MYH15: variants seen among roughly 807,000 people sequenced by gnomAD.
MYH15 encodes myosin heavy chain 15.
Under a neutral mutation model 240.5 loss-of-function variants are expected in MYH15, and 227 were observed. The ratio of observed to expected loss-of-function variants is 0.94; its 90% CI spans 0.85 to 1.05. The LOEUF is 1.05. Among genes scored for constraint, MYH15 ranks in the 50% least tolerant of loss-of-function variants. The pLI, the probability that MYH15 is intolerant of heterozygous loss-of-function variation, is 0.00. For missense variants in MYH15, 2,217 were observed against 2,247.5 expected (o/e 0.99, Z 0.27); for synonymous variants, 785 against 796.7 (o/e 0.99, Z 0.25).
intron 35 of MYH15, among the ~76,000 whole-genome samples, chr3:108,397,047 C>G (rs970045528): frequency 6.6e-6 from 1 of 152,170 alleles, no homozygotes; most frequent in Non-Finnish European, 1.5e-5. Flanking sequence ...CTAAATGCCC[C>G]AGAGTGTAGC....
intron 1 of MYH15, among the ~76,000 whole-genome samples, chr3:108,523,476 A>G (rs1209759460): frequency 6.6e-6 from 1 of 152,060 alleles, no homozygotes; most frequent in African/African-American, 2.4e-5. Flanking sequence ...TTAAAGAATT[A>G]TGTAAATGTT....
In MYH15 at chr3:108,437,545, G is replaced by A. The variant is rs750020647; in HGVS notation, c.3221+9C>T. ...CCAGCAATCTCATGTCAACAGAAAG[G>A]TGGCTTACTTCCTCAGCTCTTCTGC... On this transcript the variant is annotated intron_variant, in intron 25 of 40. Coordinates refer to ENST00000693548, the MANE Select transcript of MYH15 (RefSeq NM_014981.3). 10 of 1,609,896 alleles carry A rather than the reference G, an allele frequency of 6.2e-6. No homozygotes were observed. In the South Asian group the frequency reaches 1.1e-4, roughly 18 times the overall value.
chr3:108,474,138 C>T (rs1386953359), intron 12 of MYH15, among the ~76,000 whole-genome samples: 2 of 151,944 alleles, frequency 1.3e-5, no homozygotes, highest in Non-Finnish European at 2.9e-5. Flanking sequence ...TTTTTCCCAT[C>T]TTTTGCAATT....
chr3:108,398,838 GT>G lies in MYH15; in HGVS notation c.4931del (p.Asp1644AlafsTer12), dbSNP rs1246519402. The G allele has an allele frequency of 6.2e-7, 1 of 1,614,136 alleles. No individual in the cohort carries two copies. The highest frequency in any genetic ancestry group is 2.2e-5 in the East Asian group (1 of 44,886). On this transcript the variant is annotated frameshift_variant and splice_region_variant, in exon 35 of 41. Transcript: ENST00000693548. LOFTEE classifies it high-confidence loss of function. ...SLGQLQIQIKDLQMQLDDSTQ... is the reference protein window; with the variant it reads ...SLGQLQIQIKXLQMQLDDSTQ... ...TGCTGTCATCCAGCTGCATTTGAAG[GT>G]CCTGGGAGAGAAAAGATGGGTCTGG...
At chr3:108,492,972 G>T (rs2083363772) in intron 8 of MYH15, 142 bp downstream of exon 8, 3 of 680,340 alleles carry the variant, frequency 4.4e-6, no homozygotes, top group Non-Finnish European at 7.5e-6. Flanking sequence ...AAGAAGGAAG[G>T]AAGGGAGAAA....
intron 1 of MYH15, among the ~76,000 whole-genome samples, chr3:108,519,080 G>A (rs2107264790): frequency 6.6e-6 from 1 of 152,150 alleles, no homozygotes; most frequent in East Asian, 1.9e-4. Context: ...CTTCCTCCTT[G>A]GCTGAGCTCC....
chr3:108,542,834 T>C, the MYH15 span, among the ~76,000 whole-genome samples: 2 of 151,952 alleles, frequency 1.3e-5, no homozygotes, highest in Non-Finnish European at 2.9e-5. Flanking sequence ...CTGAGAATAA[T>C]GGCTTCCAAC....
chr3:108,546,154 C>G, the MYH15 span, among the ~76,000 whole-genome samples: 1 of 152,124 alleles, frequency 6.6e-6, no homozygotes, highest in Non-Finnish European at 1.5e-5. Context: ...TCTCTCAGCT[C>G]TAAAATGCTG....
At chr3:108,504,500 C>T (rs901816405) in intron 2 of MYH15, among the ~76,000 whole-genome samples, 24 of 152,050 alleles carry the variant, frequency 1.6e-4, no homozygotes, top group Admixed American at 2.6e-4. Context: ...CATGTTAGAT[C>T]GTAAATTGCC....
chr3:108,508,057 G>A (rs1389288342), intron 1 of MYH15, among the ~76,000 whole-genome samples: 1 of 152,124 alleles, frequency 6.6e-6, no homozygotes. Flanking sequence ...GTTGCCCATA[G>A]TCACATAGCT....
chr3:108,505,836 AG>A lies in MYH15; in HGVS notation c.89-8del. The A allele has an allele frequency of 3.3e-6, 5 of 1,532,330 alleles. No individual in the cohort carries two copies. The highest frequency in any genetic ancestry group is 3.7e-5 in the Admixed American group (2 of 54,098). The allele number at this position is 1,532,330 out of a possible 1,614,324, so 94.9% of individuals were successfully genotyped here. On this transcript the variant is annotated splice_polypyrimidine_tract_variant and splice_region_variant and intron_variant, in intron 1 of 40. Transcript: ENST00000693548. The stretch of plus-strand genomic sequence containing the variant: ...ATCCAGCATTTCTTCTTCCCTGTAG[AG>A]CAAAAAAAAAAAAAAATGGATTATA...
chr3:108,431,424 C>T (rs762386178), intron 25 of MYH15, among the ~76,000 whole-genome samples: 5 of 152,200 alleles, frequency 3.3e-5, no homozygotes, highest in Non-Finnish European at 7.3e-5. Context: ...CTAACAAGAT[C>T]TAACGTTTTA....
intron 10 of MYH15, 57 bp downstream of exon 10, chr3:108,486,366 G>T: frequency 7.1e-7 from 1 of 1,409,024 alleles, no homozygotes; most frequent in Non-Finnish European, 1.0e-6. Context: ...CTAAGATTCT[G>T]TCTTTCATTT....
chr3:108,435,642 G>T (rs1296383989), intron 25 of MYH15, among the ~76,000 whole-genome samples: 2 of 147,000 alleles, frequency 1.4e-5, no homozygotes, highest in Non-Finnish European at 3.0e-5. Flanking sequence ...CATGGCAGGG[G>T]TTTCTTTTCA....
intron 40 of MYH15, among the ~76,000 whole-genome samples, chr3:108,382,581 T>TTTTC (rs2082351462): frequency 6.6e-6 from 1 of 152,166 alleles, no homozygotes; most frequent in African/African-American, 2.4e-5. Flanking sequence ...TGGAGTGAAC[T>TTTTC]CTTTCCATAG....
chr3:108,384,677 A>AG lies in MYH15; in HGVS notation c.5631+9dup, dbSNP rs763258122. 1.6e-5 allele frequency: 25 copies of AG among 1,610,758 alleles called. No individual in the cohort carries two copies. The highest frequency in any genetic ancestry group is 2.0e-5 in the Non-Finnish European group (24 of 1,177,516). ...AAATCCATGAGGCTGAAACTTCCCC[A>AG]GGCACTCACCGCCACCTCGACTTGC... is the stretch of plus-strand genomic sequence containing the variant. On this transcript the variant is annotated intron_variant, in intron 39 of 40. Coordinates refer to ENST00000693548, the MANE Select transcript of MYH15 (RefSeq NM_014981.3).
intron 23 of MYH15, 144 bp from the exon 24 acceptor site, chr3:108,440,057 C>T (rs553033104): frequency 1.4e-4 from 82 of 597,814 alleles, no homozygotes; most frequent in Middle Eastern, 9.3e-4. Flanking sequence ...ATTCCTGATA[C>T]GCTTTCTAAA....
Position 108,381,433 on chromosome 3 carries a change from A to G in MYH15, c.*112T>C, listed in dbSNP as rs1381299572. ...TAATTGCCTTGTTTATATGGTGTGA[A>G]AAGCAATTTAAACATGTTTTTAAAA... On this transcript the variant is annotated 3_prime_UTR_variant, in exon 41 of 41. Coordinates refer to ENST00000693548, the MANE Select transcript of MYH15 (RefSeq NM_014981.3). The G allele has an allele frequency of 4.9e-6, 6 of 1,234,742 alleles. No individual in the cohort carries two copies. The East Asian group carries it at 1.2e-4, about 24-fold the overall frequency. The allele number at this position is 1,234,742 out of a possible 1,614,324, so 76.5% of individuals were successfully genotyped here. A position where few individuals can be genotyped will look rare whatever the true frequency, so the allele number is the denominator to read the frequency against.
At chr3:108,381,894 A>G (rs1271796992) in intron 40 of MYH15, among the ~76,000 whole-genome samples, 1 of 152,210 alleles carries the variant, frequency 6.6e-6, no homozygotes, top group Admixed American at 6.5e-5. Context: ...GAATTCTATC[A>G]GCAAACCTCT....
Sources: allele counts gnomAD v4.1 joint callset (sites outside exome capture counted in the v4.1 genomes callset), GRCh38; gene constraint gnomAD v4.1.1; transcripts MANE v1.5; gene names NCBI Gene and HGNC (gene_info 2026-07-23, HGNC 2026-07-21).